Variants in TMEM140 observed in about 807,000 individuals in gnomAD.
The protein encoded by TMEM140 is transmembrane protein 140.
For synonymous variants in TMEM140, 107 were observed against 106.8 expected (o/e 1.00, Z -0.01); for missense variants, 236 against 228.5 (o/e 1.03, Z -0.21).
Position 135,164,578 on chromosome 7 carries a change from G to T in TMEM140, c.137G>T (p.Arg46Ile). The change falls in exon 2 of 2, where the codon AGA (arginine) becomes ATA (isoleucine). Residue 46 changes from arginine to isoleucine, a missense_variant. Physicochemically the swap from Arg to Ile is moderately conservative, Grantham distance 97. Coordinates refer to ENST00000275767, the MANE Select transcript of TMEM140 (RefSeq NM_018295.5). The stretch of plus-strand genomic sequence containing the variant: ...AACCTCACTGACCTGCCCAACCTGA[G>T]AATCGGCTTCTATAACTTCTGCCTG... ...AGNLTDLPNL[R>I]IGFYNFCLWN... The T allele has an allele frequency of 6.2e-7, 1 of 1,614,248 alleles. No individual in the cohort carries two copies. The highest frequency in any genetic ancestry group is 1.1e-5 in the South Asian group (1 of 91,086).
intron 1 of TMEM140, among the ~76,000 whole-genome samples, chr7:135,158,828 G>A (rs769473732): frequency 9.2e-5 from 14 of 152,266 alleles, no homozygotes; most frequent in East Asian, 1.9e-4. Flanking sequence ...GAAGCAGCTC[G>A]GCAGCAAGAG....
intron 1 of TMEM140, among the ~76,000 whole-genome samples, chr7:135,153,405 G>T (rs1395541743): frequency 7.8e-6 from 1 of 127,792 alleles, no homozygotes; most frequent in Non-Finnish European, 1.6e-5. Context: ...AGTGAGCTGA[G>T]ATCATGCCAC....
In TMEM140 at chr7:135,165,003, C is replaced by A. The variant is rs762546752; in HGVS notation, c.*4C>A. 2 of 1,569,184 alleles carry A rather than the reference C, an allele frequency of 1.3e-6. No homozygotes were observed. Among genetic ancestry groups the A allele is most frequent in the African/African-American group, 2.7e-5 (2 of 73,304 alleles). Reference sequence around the variant, plus strand: ...GAGCAAGCTTGAGAGCTGCTAAAGGCTTACGTGATTGCAAGGGTTCAGTTC... The same window carrying A: ...GAGCAAGCTTGAGAGCTGCTAAAGGATTACGTGATTGCAAGGGTTCAGTTC... On this transcript the variant is annotated 3_prime_UTR_variant, in exon 2 of 2. Coordinates refer to ENST00000275767, the MANE Select transcript of TMEM140 (RefSeq NM_018295.5).
chr7:135,164,759 C>T lies in TMEM140; in HGVS notation c.318C>T (p.Cys106=), dbSNP rs1188476147. 4 of 1,614,226 alleles carry T rather than the reference C, an allele frequency of 2.5e-6. No homozygotes were observed. The highest frequency in any genetic ancestry group is 3.4e-6 in the Non-Finnish European group (4 of 1,180,034). Residue 106 remains cysteine (C), a synonymous_variant, in exon 2 of 2, where the codon TGC becomes TGT. Coordinates refer to ENST00000275767, the MANE Select transcript of TMEM140 (RefSeq NM_018295.5). ...FAPQPLLLAQ[C]NSDERAWRLA... The stretch of plus-strand genomic sequence containing the variant: ...CCCAGCCTCTCCTCCTAGCCCAGTG[C>T]AACAGTGATGAGAGAGCGTGGCGGC...
intron 1 of TMEM140, among the ~76,000 whole-genome samples, chr7:135,150,014 T>C (rs892152029): frequency 6.6e-6 from 1 of 152,324 alleles, no homozygotes; most frequent in African/African-American, 2.4e-5. Flanking sequence ...TCTTTATTTG[T>C]AGTTTCCATT....
chr7:135,163,762 G>C (rs1425860649), intron 1 of TMEM140, among the ~76,000 whole-genome samples: 1 of 152,248 alleles, frequency 6.6e-6, no homozygotes, highest in Non-Finnish European at 1.5e-5. Context: ...TCATCACCAG[G>C]TGACATCTTG....
chr7:135,158,149 G>T (rs187480773), intron 1 of TMEM140, among the ~76,000 whole-genome samples: 48 of 151,654 alleles, frequency 3.2e-4, no homozygotes, highest in African/African-American at 1.1e-3. Context: ...TCTCAAAATG[G>T]CACCTTGGGC....
intron 1 of TMEM140, among the ~76,000 whole-genome samples, chr7:135,162,101 G>A (rs1006222693): frequency 6.6e-6 from 1 of 152,208 alleles, no homozygotes; most frequent in African/African-American, 2.4e-5. Flanking sequence ...CTCTCTCTCA[G>A]CCTGTTCCAT....
chr7:135,155,780 G>A (rs1829777653), intron 1 of TMEM140, among the ~76,000 whole-genome samples: 2 of 152,208 alleles, frequency 1.3e-5, no homozygotes, highest in South Asian at 4.1e-4. Flanking sequence ...GAGCCCACGA[G>A]GTCAAGGCTG....
At chr7:135,154,477 G>T (rs191175096) in intron 1 of TMEM140, among the ~76,000 whole-genome samples, 9 of 152,048 alleles carry the variant, frequency 5.9e-5, no homozygotes, top group Non-Finnish European at 1.0e-4. Context: ...CTACTTTTTT[G>T]ATGTAGGCAT....
chr7:135,161,344 T>G lies in TMEM140; in HGVS notation c.-24-3074T>G, dbSNP rs948578528. On this transcript the variant is annotated intron_variant, in intron 1 of 1. Transcript: ENST00000275767. This position sits in a 1 kb window ranked among gnomAD's most constrained non-coding sequence, Gnocchi z 4.1. ...AAAGCAAAACGTTTAATAATTTTTT[T>G]TGGAACCCCAGTGTAACAGAATTCA... 6.6e-6 allele frequency among the ~76,000 whole-genome samples: 1 copy of G among 152,232 alleles called. No individual in the cohort carries two copies. Among genetic ancestry groups the G allele is most frequent in the Non-Finnish European group, 1.5e-5 (1 of 68,050 alleles).
Position 135,148,135 on chromosome 7 carries a change from C to G in TMEM140, c.-160C>G, listed in dbSNP as rs1196744756. Reference sequence around the variant, plus strand: ...GGCACCAGCTCAGGACTGCATCTGCCTGCCATTTCCCTTCCACTCCTCCTT... The same window carrying G: ...GGCACCAGCTCAGGACTGCATCTGCGTGCCATTTCCCTTCCACTCCTCCTT... On this transcript the variant is annotated 5_prime_UTR_variant, in exon 1 of 2. Transcript: ENST00000275767. 1 of 452,176 alleles carries G rather than the reference C, an allele frequency of 2.2e-6. No individual in the cohort carries two copies. Among genetic ancestry groups the G allele is most frequent in the Non-Finnish European group, 4.4e-6 (1 of 226,084 alleles). The allele number at this position is 452,176 out of a possible 1,614,324, so 28.0% of individuals were successfully genotyped here.
At chr7:135,148,561 C>T (rs1562920651) in intron 1 of TMEM140, among the ~76,000 whole-genome samples, 1 of 152,224 alleles carries the variant, frequency 6.6e-6, no homozygotes, top group Non-Finnish European at 1.5e-5. Context: ...GCAGGGCTGA[C>T]TGCACACAGC....
At chr7:135,156,622 G>T (rs922449643) in intron 1 of TMEM140, among the ~76,000 whole-genome samples, 5 of 151,972 alleles carry the variant, frequency 3.3e-5, no homozygotes, top group African/African-American at 7.2e-5. Flanking sequence ...TTAATTTTCT[G>T]ATTTCTTTGT....
Position 135,158,992 on chromosome 7 carries a change from C to T in TMEM140, c.-24-5426C>T, listed in dbSNP as rs1829862488. ...GCAGCTCCGAATGTCAGGCCCAGGC[C>T]CTGGCCCAGTGGGTCGAGGTTTCCT... On this transcript the variant is annotated intron_variant, in intron 1 of 1. Transcript: ENST00000275767. Among the ~76,000 whole-genome samples, 2 of 152,236 alleles carry T rather than the reference C, an allele frequency of 1.3e-5. 1 individual carries two copies. Among genetic ancestry groups the T allele is most frequent in the South Asian group, 4.1e-4 (2 of 4,834 alleles).
intron 1 of TMEM140, among the ~76,000 whole-genome samples, chr7:135,158,216 G>A (rs1829843012): frequency 6.6e-6 from 1 of 152,166 alleles, no homozygotes; most frequent in Non-Finnish European, 1.5e-5. Flanking sequence ...AGAAGCTGTA[G>A]GGAAGGCAGT....
intron 1 of TMEM140, among the ~76,000 whole-genome samples, chr7:135,159,899 G>A (rs1458591911): frequency 6.6e-6 from 1 of 152,222 alleles, no homozygotes; most frequent in Non-Finnish European, 1.5e-5. Context: ...TACTGGGGAG[G>A]ATGGGATGAG....
intron 1 of TMEM140, among the ~76,000 whole-genome samples, chr7:135,152,420 C>T (rs1411032559): frequency 6.6e-6 from 1 of 152,264 alleles, no homozygotes; most frequent in East Asian, 1.9e-4. Context: ...TGCAGCCTGA[C>T]AGGCTCCATC....
intron 1 of TMEM140, among the ~76,000 whole-genome samples, chr7:135,162,871 G>A (rs1829981555): frequency 1.3e-5 from 2 of 152,210 alleles, no homozygotes; most frequent in South Asian, 2.1e-4. Flanking sequence ...ATTTAAAACG[G>A]AGTGAAAAGA....
Sources: allele counts gnomAD v4.1 joint callset (sites outside exome capture counted in the v4.1 genomes callset), GRCh38; gene constraint gnomAD v4.1.1; non-coding constraint Gnocchi (gnomAD v3.1); transcripts MANE v1.5; gene names NCBI Gene and HGNC (gene_info 2026-07-23, HGNC 2026-07-21).